Variants in FTO observed in about 807,000 individuals in gnomAD.
The protein encoded by FTO is FTO alpha-ketoglutarate dependent dioxygenase, also known as alpha-ketoglutarate-dependent dioxygenase FTO.
In FTO, 47 loss-of-function variants were observed where a neutral mutation model predicts 63.9. The observed-to-expected ratio is 0.74, with a 90% CI of 0.58 to 0.94. FTO has a LOEUF of 0.94. FTO is among the 40% of genes least tolerant of loss of function. The pLI, the probability that FTO is intolerant of heterozygous loss-of-function variation, is 0.00. For missense variants in FTO, 562 were observed against 618.1 expected (o/e 0.91, Z 0.96); for synonymous variants, 207 against 224.4 (o/e 0.92, Z 0.69).
intron 8 of FTO, among the ~76,000 whole-genome samples, chr16:53,955,026 C>G (rs1465327998): frequency 6.6e-6 from 1 of 152,050 alleles, no homozygotes; most frequent in Admixed American, 6.6e-5. Flanking sequence ...CTAATTAGAC[C>G]AGTAAGAAAG....
intron 1 of FTO, among the ~76,000 whole-genome samples, chr16:53,753,252 C>CAA (rs35605359): frequency 0.013 from 1,011 of 77,896 alleles, 11 homozygotes; most frequent in African/African-American, 0.04. Context: ...GACCCTGTCT[C>CAA]AAAAAAAAAA....
At position 54,111,956 on chromosome 16, in the gene FTO, CT is replaced by C; in HGVS notation, c.*45del. The C allele has an allele frequency of 3.1e-6, 5 of 1,610,232 alleles. No individual in the cohort carries two copies. The highest frequency in any genetic ancestry group is 4.2e-6 in the Non-Finnish European group (5 of 1,177,072). The stretch of plus-strand genomic sequence containing the variant: ...CAGGCGGAGGAGAAAAAGAGATCGG[CT>C]TTTCTCCTCCAACGTTGTCATGGGC... On this transcript the variant is annotated 3_prime_UTR_variant, in exon 9 of 9. Coordinates refer to ENST00000471389, the MANE Select transcript of FTO (RefSeq NM_001080432.3).
intron 7 of FTO, among the ~76,000 whole-genome samples, chr16:53,926,550 G>A (rs1229760875): frequency 1.3e-5 from 2 of 152,200 alleles, no homozygotes; most frequent in African/African-American, 2.4e-5. Context: ...ATATGTAAGT[G>A]CAATGGAGTA....
intron 1 of FTO, among the ~76,000 whole-genome samples, chr16:53,754,634 T>C (rs1043371047): frequency 1.3e-5 from 2 of 151,138 alleles, no homozygotes; most frequent in African/African-American, 4.9e-5. Flanking sequence ...CGAGACTTCG[T>C]CTCAAAAAAA....
intron 4 of FTO, among the ~76,000 whole-genome samples, chr16:53,871,868 A>T (rs1237015312): frequency 6.6e-6 from 1 of 152,056 alleles, no homozygotes; most frequent in Non-Finnish European, 1.5e-5. Context: ...CTGGGATTAC[A>T]AGCACCTGCC....
At chr16:53,980,735 T>C (rs967920116) in intron 8 of FTO, among the ~76,000 whole-genome samples, 18 of 152,206 alleles carry the variant, frequency 1.2e-4, no homozygotes, top group African/African-American at 4.3e-4. Context: ...CTTGTTCTTA[T>C]CAGTAAATCT....
rs1056461912 is a variant in FTO at position 53,713,297 on chromosome 16, T to C, written c.45+9068T>C. ...AAAATGCCAGTTTACCTTTCAGATT[T>C]AGAGTATTTTGTTGTTGTTAGTTTA... is the stretch of plus-strand genomic sequence containing the variant. On this transcript the variant is annotated intron_variant, in intron 1 of 8. Coordinates refer to ENST00000471389, the MANE Select transcript of FTO (RefSeq NM_001080432.3). Among the ~76,000 whole-genome samples the C allele has an allele frequency of 9.8e-5, 15 of 152,316 alleles. No homozygotes were observed. In the East Asian group the frequency reaches 1.7e-3, roughly 18 times the overall value.
chr16:54,017,851 G>A (rs965638628), intron 8 of FTO, among the ~76,000 whole-genome samples: 5 of 152,024 alleles, frequency 3.3e-5, no homozygotes, highest in African/African-American at 9.6e-5. Flanking sequence ...AATCAGCCTC[G>A]CCCGCAAATT....
At chr16:53,948,573 C>T (rs1041431454) in intron 8 of FTO, among the ~76,000 whole-genome samples, 2 of 152,238 alleles carry the variant, frequency 1.3e-5, no homozygotes, top group African/African-American at 2.4e-5. Flanking sequence ...CTCAAGTGGG[C>T]AGCCAGGCAG....
chr16:53,710,789 C>T (rs2075751816), intron 1 of FTO, among the ~76,000 whole-genome samples: 1 of 152,160 alleles, frequency 6.6e-6, no homozygotes, highest in Non-Finnish European at 1.5e-5. Flanking sequence ...TAACAGTGGG[C>T]ATGCATTTTC....
chr16:53,966,767 A>G (rs1424490182), intron 8 of FTO, among the ~76,000 whole-genome samples: 2 of 152,230 alleles, frequency 1.3e-5, no homozygotes, highest in Admixed American at 1.3e-4. Context: ...AAAGAAAGAA[A>G]CTTAATTTTA....
intron 1 of FTO, among the ~76,000 whole-genome samples, chr16:53,794,428 C>G (rs12923770): frequency 1.3e-5 from 2 of 152,268 alleles, no homozygotes; most frequent in Non-Finnish European, 2.9e-5. Flanking sequence ...TGGATTGAAG[C>G]GATGGTGCTG....
At chr16:53,710,926 G>A (rs1409342079) in intron 1 of FTO, among the ~76,000 whole-genome samples, 1 of 151,754 alleles carries the variant, frequency 6.6e-6, no homozygotes, top group African/African-American at 2.4e-5. Flanking sequence ...GCAGACTCCT[G>A]AGATTGAATT....
chr16:53,916,039 T>C (rs1296766775), intron 7 of FTO, among the ~76,000 whole-genome samples: 1 of 152,220 alleles, frequency 6.6e-6, no homozygotes, highest in African/African-American at 2.4e-5. Context: ...AAAGCAACTT[T>C]GTGGCAACCA....
chr16:53,856,112 T>C (rs2079983842), intron 4 of FTO, among the ~76,000 whole-genome samples: 1 of 152,092 alleles, frequency 6.6e-6, no homozygotes, highest in Non-Finnish European at 1.5e-5. Flanking sequence ...TTTTAGGCCT[T>C]TATGTAGGTT....
At chr16:53,926,378 T>A (rs2082137599) in intron 7 of FTO, among the ~76,000 whole-genome samples, 1 of 152,222 alleles carries the variant, frequency 6.6e-6, no homozygotes, top group Non-Finnish European at 1.5e-5. Flanking sequence ...TCCCCAGACA[T>A]GTTTCAGCAT....
In FTO at chr16:53,909,886, T is replaced by A. The variant is rs537191304; in HGVS notation, c.1239+20935T>A. Among the ~76,000 whole-genome samples the A allele has an allele frequency of 2.0e-5, 3 of 151,712 alleles. No homozygotes were observed. The South Asian group carries it at 6.3e-4, about 32-fold the overall frequency. On this transcript the variant is annotated intron_variant, in intron 7 of 8. Transcript: ENST00000471389. ...GCTGAGAGCCTCTTTTTTTAAACAA[T>A]TTTTTTTAAGGGACAGGATCTTGCT...
intron 8 of FTO, among the ~76,000 whole-genome samples, chr16:54,035,120 G>C (rs2084914652): frequency 6.6e-6 from 1 of 152,342 alleles, no homozygotes; most frequent in Admixed American, 6.5e-5. Flanking sequence ...TATTCAGCAA[G>C]GAAGTGCCTT....
intron 6 of FTO, among the ~76,000 whole-genome samples, chr16:53,881,078 C>T (rs1037832147): frequency 6.0e-5 from 9 of 150,256 alleles, no homozygotes; most frequent in Admixed American, 3.3e-4. Context: ...GCCAAGATCG[C>T]GTGACTGCAC....
Sources: gnomAD v4.1 joint callset for allele counts (sites outside exome capture counted in the v4.1 genomes callset) on GRCh38, gnomAD v4.1.1 for gene constraint, MANE v1.5 for transcripts, NCBI Gene and HGNC (gene_info 2026-07-23, HGNC 2026-07-21) for gene names.